Variants in TSC22D1 observed in about 807,000 individuals in gnomAD.
TSC22D1 encodes TSC22 domain family member 1, also known as TSC22 domain family protein 1.
TSC22D1 carries 9 observed loss-of-function variants against 74.2 expected under a neutral mutation model. The ratio of observed to expected loss-of-function variants is 0.12; its 90% confidence interval spans 0.07 to 0.21. The LOEUF is 0.21. TSC22D1 is among the 10% of genes least tolerant of loss of function. The pLI, the probability that TSC22D1 is intolerant of heterozygous loss-of-function variation, is 1.00. For missense variants in TSC22D1, 1,427 were observed against 1,304.7 expected (o/e 1.09, Z -1.44); for synonymous variants, 586 against 492.5 (o/e 1.19, Z -2.51).
intron 1 of TSC22D1, among the ~76,000 whole-genome samples, chr13:44,472,486 A>G (rs1877662391): frequency 6.6e-6 from 1 of 152,060 alleles, no homozygotes; most frequent in Non-Finnish European, 1.5e-5. Context: ...CACTCACTCA[A>G]CAAACATATG....
At chr13:44,456,283 C>T (rs1453102411) in intron 1 of TSC22D1, among the ~76,000 whole-genome samples, 2 of 152,176 alleles carry the variant, frequency 1.3e-5, no homozygotes, top group African/African-American at 4.8e-5. Flanking sequence ...GAGTAGCCAG[C>T]TTTTATTCCC....
intron 1 of TSC22D1, among the ~76,000 whole-genome samples, chr13:44,486,484 C>G (rs1441401799): frequency 6.6e-6 from 1 of 152,050 alleles, no homozygotes; most frequent in African/African-American, 2.4e-5. Flanking sequence ...GATAAACAGA[C>G]AAAGAAAAAT....
At chr13:44,524,659 G>A (rs1276539963) in intron 1 of TSC22D1, among the ~76,000 whole-genome samples, 1 of 152,098 alleles carries the variant, frequency 6.6e-6, no homozygotes, top group East Asian at 1.9e-4. Context: ...CAATTCTCCT[G>A]CCTCAGCCTC....
chr13:44,439,112 C>CA, intron 1 of TSC22D1, among the ~76,000 whole-genome samples: 1 of 152,274 alleles, frequency 6.6e-6, no homozygotes, highest in Admixed American at 6.5e-5. Context: ...TCCATTGTAT[C>CA]AAGCAAGAGA....
upstream of TSC22D1, chr13:44,576,431 C>T (rs913550115): frequency 4.9e-6 from 1 of 203,710 alleles, no homozygotes; most frequent in Middle Eastern, 1.7e-3. Flanking sequence ...CGAGAAATGC[C>T]CACCTTCTCC....
intron 1 of TSC22D1, among the ~76,000 whole-genome samples, chr13:44,498,517 G>C (rs536219433): frequency 6.6e-6 from 1 of 152,118 alleles, no homozygotes; most frequent in East Asian, 1.9e-4. Flanking sequence ...GATAATGGTT[G>C]GTATACAGTT....
intron 1 of TSC22D1, among the ~76,000 whole-genome samples, chr13:44,525,467 T>C (rs1880504011): frequency 6.6e-6 from 1 of 152,160 alleles, no homozygotes; most frequent in African/African-American, 2.4e-5. Flanking sequence ...CGCATGCCTG[T>C]AGTACCATCT....
At chr13:44,502,534 CA>C (rs1490955695) in intron 1 of TSC22D1, among the ~76,000 whole-genome samples, 1 of 152,154 alleles carries the variant, frequency 6.6e-6, no homozygotes, top group African/African-American at 2.4e-5. Flanking sequence ...TCCAGAACCA[CA>C]AAACTGTTGT....
Position 44,537,393 on chromosome 13 carries a change from T to C in TSC22D1, c.2912+35770A>G, listed in dbSNP as rs1032112343. 5 of 985,028 alleles carry C rather than the reference T, an allele frequency of 5.1e-6. No homozygotes were observed. In the African/African-American group the frequency reaches 8.7e-5, roughly 17 times the overall value. 61.0% of individuals were successfully genotyped at this position (985,028 alleles called of 1,614,324 possible). A position where few individuals can be genotyped will look rare whatever the true frequency, so the allele number is the denominator to read the frequency against. On this transcript the variant is annotated intron_variant, in intron 1 of 2. Transcript: ENST00000458659. ...ATGCACTTACATTTCCTTTTGCATA[T>C]TTTAAGGAACAGAGCTAAAATTCAA...
At chr13:44,436,314 A>G (rs1222055353) in intron 1 of TSC22D1, 6 of 930,930 alleles carry the variant, frequency 6.4e-6, no homozygotes, top group Non-Finnish European at 9.7e-6. Context: ...ACTAAATTAC[A>G]TAATGTGGGG....
At chr13:44,504,816 C>T (rs1051811664) in intron 1 of TSC22D1, among the ~76,000 whole-genome samples, 7 of 152,140 alleles carry the variant, frequency 4.6e-5, no homozygotes, top group Admixed American at 1.3e-4. Context: ...TAATCCTGGA[C>T]ATCTCTTATT....
intron 1 of TSC22D1, among the ~76,000 whole-genome samples, chr13:44,449,938 C>G (rs1396200566): frequency 2.0e-5 from 3 of 152,098 alleles, no homozygotes; most frequent in Non-Finnish European, 4.4e-5. Context: ...AGGCTTGGCA[C>G]CACAGTTATC....
chr13:44,457,293 G>A (rs937779316), intron 1 of TSC22D1, among the ~76,000 whole-genome samples: 12 of 152,076 alleles, frequency 7.9e-5, no homozygotes, highest in South Asian at 2.1e-4. Flanking sequence ...CTATTCTTTC[G>A]CAAAGGATAA....
intron 1 of TSC22D1, among the ~76,000 whole-genome samples, chr13:44,471,598 C>T (rs1877609525): frequency 6.6e-6 from 1 of 152,118 alleles, no homozygotes; most frequent in Admixed American, 6.6e-5. Context: ...CCTAAATAGA[C>T]TTAAGTTTCT....
chr13:44,563,183 G>C (rs1373382235), intron 1 of TSC22D1, among the ~76,000 whole-genome samples: 1 of 151,988 alleles, frequency 6.6e-6, no homozygotes, highest in Non-Finnish European at 1.5e-5. Context: ...TTAAAACTGA[G>C]GCTGGGTCAT....
chr13:44,494,678 C>T (rs1878884453), intron 1 of TSC22D1, among the ~76,000 whole-genome samples: 1 of 151,958 alleles, frequency 6.6e-6, no homozygotes. Context: ...TCACACATTA[C>T]AATAATAAAA....
intron 1 of TSC22D1, among the ~76,000 whole-genome samples, chr13:44,511,839 T>A (rs1406116250): frequency 2.6e-5 from 4 of 152,144 alleles, no homozygotes; most frequent in African/African-American, 7.2e-5. Context: ...AAGGAGGGCC[T>A]GATTATATTT....
chr13:44,438,623 T>A (rs1190914803), intron 1 of TSC22D1, among the ~76,000 whole-genome samples: 1 of 152,198 alleles, frequency 6.6e-6, no homozygotes, highest in African/African-American at 2.4e-5. Flanking sequence ...AAGGCTTGGC[T>A]TTTGAATAAC....
intron 1 of TSC22D1, among the ~76,000 whole-genome samples, chr13:44,485,802 C>T (rs1323156437): frequency 1.3e-5 from 2 of 152,028 alleles, no homozygotes; most frequent in East Asian, 3.9e-4. Context: ...AAAATACTGT[C>T]AAATTTGTAG....
Sources: gnomAD v4.1 joint callset for allele counts (sites outside exome capture counted in the v4.1 genomes callset) on GRCh38, gnomAD v4.1.1 for gene constraint, MANE v1.5 for transcripts, NCBI Gene and HGNC (gene_info 2026-07-23, HGNC 2026-07-21) for gene names.